The following CSGALNACT1 variants were observed in gnomAD, a reference collection of about 807,000 sequenced individuals.
The protein encoded by CSGALNACT1 is chondroitin sulfate N-acetylgalactosaminyltransferase 1, also known as beta4GalNAcT-1.
In CSGALNACT1, 52 loss-of-function variants were observed where a neutral mutation model predicts 51.0. The observed-to-expected ratio is 1.02, with a 90% CI of 0.82 to 1.29. The LOEUF (loss-of-function observed/expected upper bound fraction) is 1.29, where lower values mean the gene tolerates loss of function less well. Among genes scored for constraint, CSGALNACT1 ranks in the 50% most tolerant of loss-of-function variants. The pLI, the probability that CSGALNACT1 is intolerant of heterozygous loss-of-function variation, is 0.00. For missense variants in CSGALNACT1, 935 were observed against 679.2 expected, an observed-to-expected ratio of 1.38 and a Z score of -4.19; for synonymous variants, 341 against 254.4, an observed-to-expected ratio of 1.34 and a Z score of -3.24.
At chr8:19,583,177 TA>T (rs199735900) in intron 3 of CSGALNACT1, among the ~76,000 whole-genome samples, 2 of 151,718 alleles carry the variant, frequency 1.3e-5, no homozygotes, top group South Asian at 2.1e-4. Context: ...TACCTTTTTT[TA>T]AAAAAAAATC....
At chr8:19,453,318 A>T (rs2063523681) in intron 5 of CSGALNACT1, among the ~76,000 whole-genome samples, 1 of 152,232 alleles carries the variant, frequency 6.6e-6, no homozygotes, top group South Asian at 2.1e-4. Flanking sequence ...AAAATAAATC[A>T]ACAGCCAAAA....
At chr8:19,640,552 CTCAAAA>C (rs1338021779) in intron 1 of CSGALNACT1, among the ~76,000 whole-genome samples, 3 of 152,188 alleles carry the variant, frequency 2.0e-5, no homozygotes, top group African/African-American at 7.2e-5. Flanking sequence ...TGGACTCAAA[CTCAAAA>C]TCAGTTCTCC....
Position 19,424,664 on chromosome 8 carries a change from A to G in CSGALNACT1, c.954-4146T>C, listed in dbSNP as rs150165979. Among the ~76,000 whole-genome samples, 31 of 152,288 alleles carry G rather than the reference A, an allele frequency of 2.0e-4. No homozygotes were observed. The East Asian group carries it at 6.0e-3, about 30-fold the overall frequency. ...CTTCAAGTAGTCAGGCCACTTATCA[A>G]TGCCCCATATCCTCATTTTGAAGCA... On this transcript the variant is annotated intron_variant, in intron 6 of 9. Coordinates refer to ENST00000454498, the Ensembl canonical transcript of CSGALNACT1.
intron 1 of CSGALNACT1, among the ~76,000 whole-genome samples, chr8:19,728,661 A>T (rs909542126): frequency 6.6e-6 from 1 of 152,148 alleles, no homozygotes; most frequent in Non-Finnish European, 1.5e-5. Flanking sequence ...CAGTTGTAGG[A>T]ATAAAGTACT....
intron 1 of CSGALNACT1, among the ~76,000 whole-genome samples, chr8:19,725,425 CTTTTT>C (rs749829348): frequency 7.3e-6 from 1 of 136,148 alleles, no homozygotes; most frequent in Non-Finnish European, 1.6e-5. Flanking sequence ...TTTCTTTTTT[CTTTTT>C]TTTTTTTTTT....
chr8:19,551,684 C>T (rs1373180821), intron 3 of CSGALNACT1, among the ~76,000 whole-genome samples: 4 of 152,162 alleles, frequency 2.6e-5, no homozygotes, highest in Admixed American at 2.0e-4. Context: ...TCCCAGTGGG[C>T]ACTTGGCTTT....
At chr8:19,524,704 C>T (rs965057535) in intron 3 of CSGALNACT1, among the ~76,000 whole-genome samples, 7 of 152,088 alleles carry the variant, frequency 4.6e-5, no homozygotes, top group Admixed American at 2.6e-4. Context: ...CTATTAAAAG[C>T]CTCTAATGTG....
At chr8:19,448,533 G>C (rs1398470334) in intron 5 of CSGALNACT1, among the ~76,000 whole-genome samples, 1 of 152,170 alleles carries the variant, frequency 6.6e-6, no homozygotes, top group African/African-American at 2.4e-5. Flanking sequence ...ATGCAGGATG[G>C]AATAACCACG....
intron 5 of CSGALNACT1, among the ~76,000 whole-genome samples, chr8:19,456,045 T>C (rs2064020456): frequency 6.6e-6 from 1 of 152,210 alleles, no homozygotes; most frequent in Non-Finnish European, 1.5e-5. Flanking sequence ...CAAACTGCCC[T>C]GGGATTTTTG....
At chr8:19,457,745 C>T in intron 5 of CSGALNACT1, 1 of 1,349,714 alleles carries the variant, frequency 7.4e-7, no homozygotes, top group Non-Finnish European at 9.8e-7. Context: ...TCTGAGCCAT[C>T]ACAGCTTCTA....
At chr8:19,510,530 G>T (rs1335053864) in intron 3 of CSGALNACT1, among the ~76,000 whole-genome samples, 1 of 152,126 alleles carries the variant, frequency 6.6e-6, no homozygotes, top group Admixed American at 6.5e-5. Flanking sequence ...GAGATGAAAA[G>T]GTGAACCAAG....
chr8:19,539,865 G>C (rs1766580030), intron 3 of CSGALNACT1, among the ~76,000 whole-genome samples: 1 of 152,206 alleles, frequency 6.6e-6, no homozygotes, highest in African/African-American at 2.4e-5. Context: ...CATGGCCTTG[G>C]AGGGAGGGGG....
intron 3 of CSGALNACT1, among the ~76,000 whole-genome samples, chr8:19,554,392 T>C (rs138308058): frequency 1.1e-3 from 163 of 152,166 alleles, no homozygotes; most frequent in Middle Eastern, 3.4e-3. Flanking sequence ...TGAGAGGAGC[T>C]ACAGGAAATA....
intron 1 of CSGALNACT1, among the ~76,000 whole-genome samples, chr8:19,633,521 T>A (rs983788811): frequency 6.6e-5 from 10 of 152,318 alleles, no homozygotes; most frequent in Non-Finnish European, 8.8e-5. Context: ...TAATTCCATA[T>A]GGCTATTGTC....
intron 4 of CSGALNACT1, among the ~76,000 whole-genome samples, chr8:19,482,147 C>T (rs111229782): frequency 1.2e-4 from 18 of 152,250 alleles, no homozygotes; most frequent in African/African-American, 2.9e-4. Flanking sequence ...TCTCTTTCAG[C>T]GCTGAGCACC....
At chr8:19,417,231 C>A (rs6980861) in intron 8 of CSGALNACT1, among the ~76,000 whole-genome samples, 1 of 151,944 alleles carries the variant, frequency 6.6e-6, no homozygotes, top group South Asian at 2.1e-4. Flanking sequence ...ACTACAAAAA[C>A]AGATACACAG....
chr8:19,667,021 AAGGAAGGAAGGAAGGAAGG>A (rs1430864478), intron 1 of CSGALNACT1, among the ~76,000 whole-genome samples: 2,331 of 40,998 alleles, frequency 0.057, 208 homozygotes, highest in African/African-American at 0.087. Flanking sequence ...GAAAGAAAGG[AAGGAAGGAAGGAAGGAAGG>A]AAGAAAGAAA....
intron 4 of CSGALNACT1, among the ~76,000 whole-genome samples, chr8:19,464,396 G>A (rs958531822): frequency 2.6e-5 from 4 of 152,066 alleles, no homozygotes; most frequent in South Asian, 2.1e-4. Flanking sequence ...ATAAAGTATC[G>A]ATACCACAGT....
chr8:19,504,268 G>T (rs887653859), intron 4 of CSGALNACT1, among the ~76,000 whole-genome samples: 1 of 152,058 alleles, frequency 6.6e-6, no homozygotes, highest in African/African-American at 2.4e-5. Flanking sequence ...AGTAGAGATG[G>T]GGTTTCACCG....
Sources: gnomAD v4.1 joint callset for allele counts (sites outside exome capture counted in the v4.1 genomes callset) on GRCh38, gnomAD v4.1.1 for gene constraint, MANE v1.5 for transcripts, NCBI Gene and HGNC (gene_info 2026-07-23, HGNC 2026-07-21) for gene names.